LAMA5: variants seen among roughly 807,000 people sequenced by gnomAD.
LAMA5 encodes laminin subunit alpha-5.
In LAMA5, 260 loss-of-function variants were observed where a neutral mutation model predicts 433.4. That is an observed-to-expected ratio of 0.60 (90% CI 0.54 to 0.66). The LOEUF is 0.66. Ranked by LOEUF, LAMA5 falls within the 30% of genes least tolerant of loss-of-function variation. The probability of loss-of-function intolerance (pLI) is 0.00; values close to 1 mark genes in which losing one functional copy is unlikely to be tolerated. For missense variants in LAMA5, 5,378 were observed against 5,258.5 expected (o/e 1.02, Z -0.70); for synonymous variants, 2,620 against 2,226.6 (o/e 1.18, Z -4.97).
rs951785660 is a variant in LAMA5, at chr20:62,340,723, T to C, written c.1478-2115A>G. On this transcript the variant is annotated intron_variant, in intron 11 of 79. Transcript: ENST00000252999. ...CATTCTGGATTAGAAACAAAGAAAA[T>C]CTCAAATTCCAAAAACAAAAGGCAG... is the stretch of plus-strand genomic sequence containing the variant. Among the ~76,000 whole-genome samples, 34 of 151,796 alleles carry C rather than the reference T, an allele frequency of 2.2e-4. 1 individual carries two copies. In the East Asian group the frequency reaches 5.6e-3, roughly 25 times the overall value.
chr20:62,312,082 C>G, intron 69 of LAMA5, 32 bp from the exon 70 acceptor site: 1 of 1,609,966 alleles, frequency 6.2e-7, no homozygotes, highest in East Asian at 2.2e-5. Flanking sequence ...GCCGGCCGGC[C>G]TGGGGACCCA....
chr20:62,312,079 G>A (rs574465155), intron 69 of LAMA5, 29 bp from the exon 70 acceptor site: 52 of 1,609,728 alleles, frequency 3.2e-5, no homozygotes, highest in Middle Eastern at 1.6e-4. Context: ...TCAGCCGGCC[G>A]GCCTGGGGAC....
At chr20:62,352,464 C>T in intron 3 of LAMA5, 104 bp from the exon 4 acceptor site, 1 of 843,184 alleles carries the variant, frequency 1.2e-6, no homozygotes, top group Non-Finnish European at 1.9e-6. Context: ...ACTGAGGCTC[C>T]CACAGGCCAA....
At chr20:62,332,329 AAAG>A in intron 28 of LAMA5, 40 bp downstream of exon 28, 1 of 1,399,266 alleles carries the variant, frequency 7.1e-7, no homozygotes, top group Non-Finnish European at 1.0e-6. Flanking sequence ...AAATCTTCTG[AAAG>A]AAGCTGACCC....
intron 11 of LAMA5, among the ~76,000 whole-genome samples, chr20:62,341,211 C>G (rs1193613377): frequency 2.0e-5 from 3 of 151,996 alleles, no homozygotes; most frequent in Admixed American, 6.6e-5. Flanking sequence ...CTGCACACCA[C>G]GAAAAGGACA....
At chr20:62,348,670 G>A (rs1034187110) in intron 6 of LAMA5, among the ~76,000 whole-genome samples, 2 of 151,824 alleles carry the variant, frequency 1.3e-5, no homozygotes, top group African/African-American at 4.8e-5. Flanking sequence ...ATAACACTAT[G>A]GAAAACAGGC....
At chr20:62,346,448 C>T in intron 9 of LAMA5, 58 bp downstream of exon 9, 1 of 1,501,792 alleles carries the variant, frequency 6.7e-7, no homozygotes, top group Non-Finnish European at 9.0e-7. Flanking sequence ...GGCCCAAGAA[C>T]ACCTCTTTCC....
chr20:62,339,330 C>T (rs1042568537), intron 11 of LAMA5, among the ~76,000 whole-genome samples: 7 of 142,752 alleles, frequency 4.9e-5, no homozygotes, highest in Middle Eastern at 7.9e-3. Flanking sequence ...CTCTGCCTCC[C>T]GGGTTCACAC....
Position 62,309,797 on chromosome 20 carries a change from C to A in LAMA5, c.10867G>T (p.Ala3623Ser), listed in dbSNP as rs200525579. The A allele has an allele frequency of 3.1e-6, 5 of 1,610,374 alleles. No individual in the cohort carries two copies. In the African/African-American group the frequency reaches 6.7e-5, roughly 22 times the overall value. Reference protein sequence around the residue: ...SGNVLRLEVDAQSNHTVGPLL... With the variant: ...SGNVLRLEVDSQSNHTVGPLL... The stretch of plus-strand genomic sequence containing the variant: ...GGGCCCACGGTGTGGTTGCTCTGCG[C>A]GTCCACCTCCAGCCGGAGCACATTC... The change falls in exon 79 of 80, where the codon GCG becomes TCG. Residue 3623 changes from alanine (A) to serine (S), a missense_variant. Physicochemically the swap from Ala to Ser is moderately conservative, Grantham distance 99. Coordinates refer to ENST00000252999, the MANE Select transcript of LAMA5 (RefSeq NM_005560.6).
rs1339581248 is a variant in LAMA5, at chr20:62,329,845, G to A, written c.4051C>T (p.Leu1351=). Residue 1351 remains leucine (L), a synonymous_variant, in exon 32 of 80, where the codon CTG becomes TTG. Coordinates refer to ENST00000252999, the MANE Select transcript of LAMA5 (RefSeq NM_005560.6). ...RTLVVCEGQA[L]LDVTHSELTV... is the part of the protein sequence containing the mutation. ...AGCTCGCTGTGGGTCACGTCCAGCAGGGCCTGGCCCTCACACACCACCAGG... is the reference window on the plus strand; with the variant it reads ...AGCTCGCTGTGGGTCACGTCCAGCAAGGCCTGGCCCTCACACACCACCAGG... 6.2e-7 allele frequency: 1 copy of A among 1,612,558 alleles called. No individual in the cohort carries two copies. The highest frequency in any genetic ancestry group is 1.7e-5 in the Admixed American group (1 of 59,982).
rs78351582 is a variant in LAMA5 at position 62,312,933 on chromosome 20, G to A, written c.9033C>T (p.Ala3011=). 2.5e-3 allele frequency: 3,963 copies of A among 1,580,382 alleles called. 100 individuals carry two copies. In the African/African-American group the frequency reaches 0.045, roughly 18 times the overall value. Residue 3011 remains alanine (A), a synonymous_variant, in exon 66 of 80, where the codon GCC becomes GCT. Transcript: ENST00000252999. ...GGGGCGGTGGGGGCTGCAGTGGGACGGCCTTTTTCAGGCCAGCCCCAAAGT... is the reference window on the plus strand; with the variant it reads ...GGGGCGGTGGGGGCTGCAGTGGGACAGCCTTTTTCAGGCCAGCCCCAAAGT... ...LYDFGAGLKK[A]VPLQPPPPLT...
intron 52 of LAMA5, 42 bp from the exon 53 acceptor site, chr20:62,318,692 G>T: frequency 6.3e-7 from 1 of 1,595,738 alleles, no homozygotes. Context: ...TGGAAGCCAG[G>T]CCCCTTCATG....
rs1257878172 is a variant in LAMA5 at position 62,353,166 on chromosome 20, C to T, written c.536G>A (p.Gly179Asp). The change falls in exon 3 of 80, where the codon GGC becomes GAC. Residue 179 changes from glycine (G) to aspartate (D), a missense_variant. Physicochemically the swap from Gly to Asp is moderately conservative, Grantham distance 94. Transcript: ENST00000252999. ...GAACTGCCAGGGCTGGTAGGTGCGG[C>T]CGAAGTCCATGGACCGCTCCAGCAC... ...LWVLERSMDF[G>D]RTYQPWQFFA... is the part of the protein sequence containing the mutation. 2 of 1,579,506 alleles carry T rather than the reference C, an allele frequency of 1.3e-6. No homozygotes were observed. Among genetic ancestry groups the T allele is most frequent in the East Asian group, 4.7e-5 (2 of 42,998 alleles).
At chr20:62,344,083 G>T (rs959531477) in intron 11 of LAMA5, among the ~76,000 whole-genome samples, 2 of 149,968 alleles carry the variant, frequency 1.3e-5, no homozygotes, top group East Asian at 4.0e-4. Flanking sequence ...GGCACAAGTG[G>T]TAGCGAGCCA....
intron 54 of LAMA5, 78 bp from the exon 55 acceptor site, chr20:62,317,577 C>A: frequency 2.6e-6 from 4 of 1,523,286 alleles, no homozygotes; most frequent in Non-Finnish European, 3.5e-6. Flanking sequence ...GCTCTGCACG[C>A]AAGTGTGCAC....
chr20:62,311,483 T>G lies in LAMA5; in HGVS notation c.9860A>C (p.Asn3287Thr). The G allele has an allele frequency of 6.2e-7, 1 of 1,610,550 alleles. No homozygotes were observed. Among genetic ancestry groups the G allele is most frequent in the Non-Finnish European group, 8.5e-7 (1 of 1,178,880 alleles). ...GGCGGGTGCACAGCCCGTGCTCACA[T>G]TGACGCTGCCCAGGTTCTGCTGCAG... is the stretch of plus-strand genomic sequence containing the variant. ...FDLQQNLGSV[N>T]VSTGCAPALQ... is the part of the protein sequence containing the mutation. The change falls in exon 72 of 80, where the codon AAT becomes ACT. Residue 3287 changes from asparagine to threonine, a missense_variant. By Grantham distance (65) the Asn-to-Thr change is moderately conservative. Transcript: ENST00000252999.
At chr20:62,327,035 G>A in intron 38 of LAMA5, 69 bp from the exon 39 acceptor site, 1 of 1,239,064 alleles carries the variant, frequency 8.1e-7, no homozygotes. Flanking sequence ...GTCAGCAGTG[G>A]TCTGGGCACC....
In LAMA5 at chr20:62,317,725, A is replaced by C; in HGVS notation, c.7293T>G (p.His2431Gln). 4 of 1,607,626 alleles carry C rather than the reference A, an allele frequency of 2.5e-6. No individual in the cohort carries two copies. The highest frequency in any genetic ancestry group is 1.3e-5 in the African/African-American group (1 of 74,566). The change falls in exon 54 of 80, where the codon CAT becomes CAG. Residue 2431 changes from histidine to glutamine, a missense_variant. By Grantham distance (24) the His-to-Gln change is conservative. Transcript: ENST00000252999. ...RDNATLQATL[H>Q]AARDTLASVF... ...CGCTGGCCAGGGTGTCCCTAGCCGC[A>C]TGCAGAGTGGCCTGCAGGGTGGCAT...
In LAMA5 at chr20:62,309,214, C is replaced by T. The variant is rs1985786200; in HGVS notation, c.*122G>A. 5 of 1,004,788 alleles carry T rather than the reference C, an allele frequency of 5.0e-6. No individual in the cohort carries two copies. The highest frequency in any genetic ancestry group is 3.3e-4 in the Middle Eastern group (1 of 3,058). The allele number at this position is 1,004,788 out of a possible 1,614,324, so 62.2% of individuals were successfully genotyped here. On this transcript the variant is annotated 3_prime_UTR_variant, in exon 80 of 80. Coordinates refer to ENST00000252999, the MANE Select transcript of LAMA5 (RefSeq NM_005560.6). ...TTTAAGAAGCTATAACTTAAACCAT[C>T]TTCAGAAACAAGATCTGTCACCCGT...
Sources: allele counts gnomAD v4.1 joint callset (sites outside exome capture counted in the v4.1 genomes callset), GRCh38; gene constraint gnomAD v4.1.1; transcripts MANE v1.5; gene names NCBI Gene and HGNC (gene_info 2026-07-23, HGNC 2026-07-21).